The following SPATA17 variants were observed in gnomAD, a reference collection of about 807,000 sequenced individuals.
SPATA17 encodes the protein spermatogenesis-associated protein 17.
Under a neutral mutation model 62.2 loss-of-function variants are expected in SPATA17, and 53 were observed. The ratio of observed to expected loss-of-function variants is 0.85; its 90% confidence interval spans 0.68 to 1.07. SPATA17 has a LOEUF of 1.07. SPATA17 is among the 50% of genes least tolerant of loss of function. The probability of loss-of-function intolerance (pLI) is 0.00; values close to 1 mark genes in which losing one functional copy is unlikely to be tolerated. For synonymous variants in SPATA17, 146 were observed against 146.8 expected (o/e 0.99, Z 0.04); for missense variants, 466 against 425.5 (o/e 1.10, Z -0.84).
intron 5 of SPATA17, among the ~76,000 whole-genome samples, chr1:217,712,752 G>C (rs775336192): frequency 1.3e-5 from 2 of 152,040 alleles, no homozygotes; most frequent in African/African-American, 2.4e-5. Context: ...AGAGCAAATA[G>C]GGTCTTTTCA....
chr1:217,824,587 T>C (rs148518088), intron 9 of SPATA17, among the ~76,000 whole-genome samples: 17 of 151,180 alleles, frequency 1.1e-4, no homozygotes, highest in Non-Finnish European at 1.6e-4. Context: ...TATATGTTTT[T>C]ATTCCTAAAT....
chr1:217,787,605 CAT>C (rs1673900730), intron 8 of SPATA17, among the ~76,000 whole-genome samples: 2 of 152,184 alleles, frequency 1.3e-5, no homozygotes, highest in African/African-American at 4.8e-5. Context: ...AACTACAACA[CAT>C]ATTTATTGTA....
chr1:217,852,629 A>G (rs1300128504), intron 9 of SPATA17, among the ~76,000 whole-genome samples: 2 of 152,192 alleles, frequency 1.3e-5, no homozygotes, highest in African/African-American at 2.4e-5. Context: ...TACATTCTGC[A>G]TTGCAAATCC....
intron 9 of SPATA17, among the ~76,000 whole-genome samples, chr1:217,832,088 T>C (rs1410467257): frequency 6.6e-6 from 1 of 152,146 alleles, no homozygotes; most frequent in Non-Finnish European, 1.5e-5. Context: ...AGAAATCATG[T>C]GTCATTTTAG....
chr1:217,825,135 G>T (rs1258066281), intron 9 of SPATA17, among the ~76,000 whole-genome samples: 1 of 150,666 alleles, frequency 6.6e-6, no homozygotes, highest in Non-Finnish European at 1.5e-5. Context: ...TATTATTTAG[G>T]AATAAAAACA....
rs1405475312 is a variant in SPATA17, at chr1:217,867,928, T to A, written c.*909T>A. 3.9e-5 allele frequency: 6 copies of A among 152,284 alleles called. No individual in the cohort carries two copies. The East Asian group carries it at 1.2e-3, about 29-fold the overall frequency. 9.4% of individuals were successfully genotyped at this position (152,284 alleles called of 1,614,324 possible). ...GCACAGAGGGACAGGAAATGTGATT[T>A]ATTGACCATAAAAGCTTTAATTTAA... On this transcript the variant is annotated 3_prime_UTR_variant, in exon 11 of 11. Coordinates refer to ENST00000366933, the MANE Select transcript of SPATA17 (RefSeq NM_138796.4).
chr1:217,654,104 T>G (rs752896115), intron 3 of SPATA17, among the ~76,000 whole-genome samples: 52 of 151,770 alleles, frequency 3.4e-4, no homozygotes, highest in Non-Finnish European at 2.8e-4. Context: ...TTTCCAATTT[T>G]GACATATGAT....
At chr1:217,789,168 A>G (rs1332462165) in intron 8 of SPATA17, among the ~76,000 whole-genome samples, 1 of 152,210 alleles carries the variant, frequency 6.6e-6, no homozygotes, top group Non-Finnish European at 1.5e-5. Context: ...CTGTCTCTAC[A>G]TCTTTTAGAA....
At chr1:217,662,225 G>C (rs535420755) in intron 3 of SPATA17, among the ~76,000 whole-genome samples, 1 of 152,198 alleles carries the variant, frequency 6.6e-6, no homozygotes, top group South Asian at 2.1e-4. Flanking sequence ...ACCATAGTCT[G>C]AGAGCAGAGA....
At chr1:217,851,402 C>T (rs946991122) in intron 9 of SPATA17, among the ~76,000 whole-genome samples, 1 of 151,810 alleles carries the variant, frequency 6.6e-6, no homozygotes, top group Non-Finnish European at 1.5e-5. Flanking sequence ...ACTAGATTAG[C>T]AATTTTTCAA....
intron 3 of SPATA17, 41 bp downstream of exon 3, chr1:217,651,219 A>G: frequency 1.4e-6 from 2 of 1,430,610 alleles, no homozygotes; most frequent in Non-Finnish European, 1.9e-6. Context: ...TGAATTGTAC[A>G]ATATGCTGTA....
chr1:217,808,882 A>C (rs1210329272), intron 9 of SPATA17, among the ~76,000 whole-genome samples: 1 of 151,890 alleles, frequency 6.6e-6, no homozygotes, highest in East Asian at 1.9e-4. Flanking sequence ...AAATGCAATA[A>C]GGGTCATATT....
chr1:217,811,799 A>T (rs1406094526), intron 9 of SPATA17, among the ~76,000 whole-genome samples: 1 of 152,188 alleles, frequency 6.6e-6, no homozygotes, highest in Non-Finnish European at 1.5e-5. Context: ...AATTATTAGA[A>T]ATACTTTACA....
chr1:217,817,732 C>T (rs776665865), intron 9 of SPATA17, among the ~76,000 whole-genome samples: 6 of 152,152 alleles, frequency 3.9e-5, no homozygotes, highest in East Asian at 3.9e-4. Context: ...GGCTATATTA[C>T]GTAAGTCTAA....
At chr1:217,848,320 A>G (rs1397180) in intron 9 of SPATA17, among the ~76,000 whole-genome samples, 57,912 of 151,952 alleles carry the variant, frequency 0.38, 11,755 homozygotes, top group Non-Finnish European at 0.45. Context: ...TGATTTATCA[A>G]TTTCTGTGTT....
intron 9 of SPATA17, among the ~76,000 whole-genome samples, chr1:217,831,669 G>A (rs875312): frequency 0.8 from 120,892 of 152,064 alleles, 48,512 homozygotes; most frequent in Admixed American, 0.83. Flanking sequence ...TTTTTATTAT[G>A]TATTCCTTCT....
At chr1:217,697,882 T>C (rs935497015) in intron 5 of SPATA17, among the ~76,000 whole-genome samples, 1 of 152,238 alleles carries the variant, frequency 6.6e-6, no homozygotes, top group Non-Finnish European at 1.5e-5. Context: ...CTTTGTGTTA[T>C]TTATTTTATT....
intron 7 of SPATA17, among the ~76,000 whole-genome samples, chr1:217,779,489 A>G (rs1046347105): frequency 1.0e-4 from 15 of 148,436 alleles, no homozygotes; most frequent in African/African-American, 3.7e-4. Context: ...TGGCCATGTC[A>G]TCCCCACTGC....
At chr1:217,729,809 A>C (rs756015027) in intron 5 of SPATA17, among the ~76,000 whole-genome samples, 93 of 152,332 alleles carry the variant, frequency 6.1e-4, no homozygotes, top group Non-Finnish European at 1.2e-3. Context: ...CAGTCTTTTC[A>C]CATGCTATAT....
Sources: allele counts gnomAD v4.1 joint callset (sites outside exome capture counted in the v4.1 genomes callset), GRCh38; gene constraint gnomAD v4.1.1; transcripts MANE v1.5; gene names NCBI Gene and HGNC (gene_info 2026-07-23, HGNC 2026-07-21).